Variants in MGAT4C observed in about 807,000 individuals in gnomAD.
MGAT4C encodes MGAT4 family member C.
Under a neutral mutation model 40.1 loss-of-function variants are expected in MGAT4C, and 19 were observed. That is an observed-to-expected ratio of 0.47 (90% CI 0.33 to 0.70). MGAT4C has a LOEUF of 0.70. MGAT4C is among the 30% of genes least tolerant of loss of function. MGAT4C has a pLI of 0.02. For missense variants in MGAT4C, 491 were observed against 563.2 expected (o/e 0.87, Z 1.30); for synonymous variants, 181 against 187.1 (o/e 0.97, Z 0.27).
chr12:86,611,639 A>G (rs953287840), intron 2 of MGAT4C, among the ~76,000 whole-genome samples: 4 of 152,234 alleles, frequency 2.6e-5, no homozygotes, highest in Admixed American at 2.0e-4. Context: ...GTTTTCTTCA[A>G]TGTCAATTTA....
At chr12:86,689,576 T>A (rs1565927335) in intron 2 of MGAT4C, among the ~76,000 whole-genome samples, 1 of 152,240 alleles carries the variant, frequency 6.6e-6, no homozygotes, top group Non-Finnish European at 1.5e-5. Context: ...GCTTCTCTTG[T>A]GCAGGTCTGT....
chr12:86,198,262 G>A (rs527396925), intron 1 of MGAT4C, among the ~76,000 whole-genome samples: 233 of 152,254 alleles, frequency 1.5e-3, no homozygotes, highest in African/African-American at 5.3e-3. Context: ...TCCTAAAACC[G>A]AAATCACTTC....
At chr12:86,585,454 T>C (rs1960976050) in intron 2 of MGAT4C, among the ~76,000 whole-genome samples, 1 of 151,478 alleles carries the variant, frequency 6.6e-6, no homozygotes, top group South Asian at 2.1e-4. Context: ...AAAATGATAC[T>C]ATAAAAACAT....
At chr12:86,337,097 G>A (rs1017404307) in intron 3 of MGAT4C, among the ~76,000 whole-genome samples, 2 of 151,844 alleles carry the variant, frequency 1.3e-5, no homozygotes, top group South Asian at 4.2e-4. Flanking sequence ...CTTAAGTCTT[G>A]GTACACAGAA....
chr12:86,039,850 C>T (rs540118229), intron 2 of MGAT4C, among the ~76,000 whole-genome samples: 1 of 152,250 alleles, frequency 6.6e-6, no homozygotes, highest in Admixed American at 6.5e-5. Flanking sequence ...TTTTCGCTTT[C>T]TTTGTGGATT....
chr12:86,203,436 C>G (rs1292723049), intron 1 of MGAT4C, among the ~76,000 whole-genome samples: 1 of 152,068 alleles, frequency 6.6e-6, no homozygotes, highest in African/African-American at 2.4e-5. Flanking sequence ...ATATGAAGCT[C>G]AGTTATTAGG....
chr12:86,764,762 G>C (rs928938446), intron 1 of MGAT4C, among the ~76,000 whole-genome samples: 2 of 152,180 alleles, frequency 1.3e-5, no homozygotes, highest in Non-Finnish European at 2.9e-5. Flanking sequence ...ACAGGGTCTG[G>C]AGTGGACCTC....
chr12:86,779,240 A>G (rs1349659650), intron 1 of MGAT4C, among the ~76,000 whole-genome samples: 1 of 152,116 alleles, frequency 6.6e-6, no homozygotes, highest in Non-Finnish European at 1.5e-5. Flanking sequence ...ATTATAAACA[A>G]TTGAGGTATG....
chr12:86,244,034 T>C (rs1951911722), intron 1 of MGAT4C, among the ~76,000 whole-genome samples: 1 of 152,206 alleles, frequency 6.6e-6, no homozygotes, highest in East Asian at 1.9e-4. Flanking sequence ...TTTGTCATTT[T>C]TCTCACTAAG....
rs939113405 is a variant in MGAT4C at position 85,967,308 on chromosome 12, A to T, written c.*11981T>A. ...AAGTTTCATTTCATCTCATGAAAAA[A>T]ATGTTACTTTTTGTATTAATCAGTG... On this transcript the variant is annotated 3_prime_UTR_variant, in exon 5 of 5. Coordinates refer to ENST00000611864, the MANE Select transcript of MGAT4C (RefSeq NM_001351288.2). The T allele has an allele frequency of 6.6e-6, 1 of 152,160 alleles. No homozygotes were observed. The highest frequency in any genetic ancestry group is 1.5e-5 in the Non-Finnish European group (1 of 68,016). 9.4% of individuals were successfully genotyped at this position (152,160 alleles called of 1,614,324 possible).
Position 85,999,493 on chromosome 12 carries a change from TGCA to T in MGAT4C, c.-6-9944_-6-9942del, listed in dbSNP as rs552899237. 5.6e-3 allele frequency among the ~76,000 whole-genome samples: 850 copies of T among 151,962 alleles called. 6 individuals carry two copies. Among genetic ancestry groups the T allele is most frequent in the Non-Finnish European group, 9.1e-3 (622 of 67,990 alleles). The stretch of plus-strand genomic sequence containing the variant: ...GAAGTATCTGTACTCCCCTGTGTAT[TGCA>T]GCACTATTCACAATAGCCAAGATAA... On this transcript the variant is annotated intron_variant, in intron 2 of 4. Coordinates refer to ENST00000611864, the MANE Select transcript of MGAT4C (RefSeq NM_001351288.2).
chr12:86,254,553 A>C (rs2136084085), intron 1 of MGAT4C, among the ~76,000 whole-genome samples: 1 of 152,236 alleles, frequency 6.6e-6, no homozygotes, highest in Non-Finnish European at 1.5e-5. Flanking sequence ...ATCACCTGTG[A>C]AAATGACACA....
chr12:86,332,092 T>G (rs563456859), intron 4 of MGAT4C, among the ~76,000 whole-genome samples: 1 of 152,140 alleles, frequency 6.6e-6, no homozygotes, highest in Non-Finnish European at 1.5e-5. Context: ...TGCTACTTCA[T>G]GAAATTATCT....
chr12:86,779,844 T>C (rs988453894), intron 1 of MGAT4C, among the ~76,000 whole-genome samples: 12 of 151,764 alleles, frequency 7.9e-5, no homozygotes, highest in Non-Finnish European at 1.8e-4. Context: ...ACCCAGGAGG[T>C]GGAGCTTGCT....
intron 3 of MGAT4C, among the ~76,000 whole-genome samples, chr12:86,362,303 C>T (rs1955494069): frequency 6.6e-6 from 1 of 152,024 alleles, no homozygotes; most frequent in Middle Eastern, 3.2e-3. Context: ...CACTTGGACA[C>T]AGGGTGGGGA....
intron 2 of MGAT4C, among the ~76,000 whole-genome samples, chr12:86,034,974 A>G (rs1015326298): frequency 3.3e-5 from 5 of 149,918 alleles, no homozygotes; most frequent in Non-Finnish European, 7.5e-5. Flanking sequence ...TATCTAGTCT[A>G]TCACTGATGG....
chr12:86,367,562 G>C (rs1167087404), intron 3 of MGAT4C, among the ~76,000 whole-genome samples: 2 of 152,186 alleles, frequency 1.3e-5, no homozygotes, highest in African/African-American at 4.8e-5. Flanking sequence ...CACTTTGGGA[G>C]GCTGAGGTGG....
intron 2 of MGAT4C, among the ~76,000 whole-genome samples, chr12:86,707,380 G>A (rs896965926): frequency 1.3e-5 from 2 of 152,166 alleles, no homozygotes; most frequent in Non-Finnish European, 2.9e-5. Context: ...AGACGGAAAA[G>A]AGGAACTTGT....
At chr12:86,548,136 G>A (rs1592974438) in intron 2 of MGAT4C, among the ~76,000 whole-genome samples, 1 of 152,012 alleles carries the variant, frequency 6.6e-6, no homozygotes, top group Non-Finnish European at 1.5e-5. Flanking sequence ...ATTCATGGAG[G>A]GTGGAGAACA....
Sources: gnomAD v4.1 joint callset for allele counts (sites outside exome capture counted in the v4.1 genomes callset) on GRCh38, gnomAD v4.1.1 for gene constraint, MANE v1.5 for transcripts, NCBI Gene and HGNC (gene_info 2026-07-23, HGNC 2026-07-21) for gene names.